Variants in WAPL observed in about 807,000 individuals in gnomAD.
The protein encoded by WAPL is wings apart-like protein homolog.
In WAPL, 5 loss-of-function variants were observed where a neutral mutation model predicts 121.0. The ratio of observed to expected loss-of-function variants is 0.04; its 90% CI spans 0.02 to 0.09. The LOEUF is 0.09. Among genes scored for constraint, WAPL ranks in the 10% least tolerant of loss-of-function variants. WAPL has a pLI of 1.00. For missense variants in WAPL, 999 were observed against 1,410.8 expected, an observed-to-expected ratio of 0.71 and a Z score of 4.68; for synonymous variants, 480 against 481.5, an observed-to-expected ratio of 1.00 and a Z score of 0.04.
At chr10:86,441,765 G>A (rs1849477276) in intron 17 of WAPL, among the ~76,000 whole-genome samples, 1 of 152,064 alleles carries the variant, frequency 6.6e-6, no homozygotes, top group Non-Finnish European at 1.5e-5. Context: ...ACTTTGAGAG[G>A]TCGAGGCAGG....
chr10:86,492,712 A>G (rs1842074328), intron 4 of WAPL, among the ~76,000 whole-genome samples: 1 of 152,144 alleles, frequency 6.6e-6, no homozygotes, highest in East Asian at 1.9e-4. Context: ...CAATCAGATA[A>G]ATTCTGAATG....
intron 4 of WAPL, among the ~76,000 whole-genome samples, chr10:86,494,250 C>A (rs576621646): frequency 1.3e-5 from 2 of 152,146 alleles, no homozygotes; most frequent in Admixed American, 6.5e-5. Context: ...ATCTCTGTGA[C>A]AAAACAAGTA....
At chr10:86,481,579 G>C (rs1164636757) in intron 4 of WAPL, among the ~76,000 whole-genome samples, 2 of 152,018 alleles carry the variant, frequency 1.3e-5, no homozygotes, top group Non-Finnish European at 2.9e-5. Context: ...ATCCATGTTG[G>C]TCAGGCTGCT....
chr10:86,452,540 C>T (rs1164518302), intron 14 of WAPL, among the ~76,000 whole-genome samples: 1 of 151,482 alleles, frequency 6.6e-6, no homozygotes, highest in Non-Finnish European at 1.5e-5. Flanking sequence ...TGCAGTGAGC[C>T]GAGACTGTGC....
intron 2 of WAPL, among the ~76,000 whole-genome samples, chr10:86,509,955 C>T (rs531562052): frequency 5.3e-5 from 8 of 150,598 alleles, no homozygotes; most frequent in Non-Finnish European, 5.9e-5. Context: ...TAGTAAAGAC[C>T]GGGTTTTACC....
rs138818750 is a variant in WAPL at position 86,478,912 on chromosome 10, T to C, written c.1645-4939A>G. Among the ~76,000 whole-genome samples the C allele has an allele frequency of 9.6e-3, 1,455 of 152,060 alleles. 29 individuals carry two copies. The highest frequency in any genetic ancestry group is 0.033 in the African/African-American group (1,352 of 41,464). ...GAGTTTGAGACCAGGCTGTCCAACA[T>C]AGTGAAACCCCATCTCTACTAAAAA... On this transcript the variant is annotated intron_variant, in intron 4 of 18. Coordinates refer to ENST00000298767, the MANE Select transcript of WAPL (RefSeq NM_015045.5).
At chr10:86,516,955 C>T (rs1328619482) in intron 2 of WAPL, among the ~76,000 whole-genome samples, 4 of 151,962 alleles carry the variant, frequency 2.6e-5, no homozygotes, top group South Asian at 2.1e-4. Flanking sequence ...TGGTGGCGGG[C>T]GCCTGTAGTC....
In WAPL at chr10:86,472,419, T is replaced by C. The variant is rs1477181686; in HGVS notation, c.1894-75A>G. The C allele has an allele frequency of 3.2e-6, 5 of 1,544,440 alleles. No individual in the cohort carries two copies. Among genetic ancestry groups the C allele is most frequent in the Non-Finnish European group, 4.4e-6 (5 of 1,149,022 alleles). ...TTAAATCTATGGGCTCACTGTACTT[T>C]ACATAAGTGCATAAAATAGTTCATT... On this transcript the variant is annotated intron_variant, in intron 6 of 18. Coordinates refer to ENST00000298767, the MANE Select transcript of WAPL (RefSeq NM_015045.5). The surrounding 1 kb of genome is among the most constrained non-coding windows in gnomAD (Gnocchi z 4.2).
rs1849293169 is a variant in WAPL at position 86,435,368 on chromosome 10, G to C, written c.*2175C>G. Reference sequence around the variant, plus strand: ...TCCTGCCGTTGGCTTTTGCTCCAAAGATCACAGCTGAGAAATACTGTATAA... The same window carrying C: ...TCCTGCCGTTGGCTTTTGCTCCAAACATCACAGCTGAGAAATACTGTATAA... On this transcript the variant is annotated 3_prime_UTR_variant, in exon 19 of 19. Transcript: ENST00000298767. 1.3e-5 allele frequency: 2 copies of C among 152,716 alleles called. No individual in the cohort carries two copies. The highest frequency in any genetic ancestry group is 1.9e-4 in the East Asian group (1 of 5,192). 9.5% of individuals were successfully genotyped at this position (152,716 alleles called of 1,614,324 possible).
intron 2 of WAPL, among the ~76,000 whole-genome samples, chr10:86,505,830 C>T (rs764114819): frequency 8.4e-4 from 127 of 151,868 alleles, no homozygotes; most frequent in Admixed American, 2.0e-3. Flanking sequence ...AGAGCATGTT[C>T]TTGTATTTTT....
chr10:86,488,153 T>C (rs1420194325), intron 4 of WAPL, among the ~76,000 whole-genome samples: 3 of 152,144 alleles, frequency 2.0e-5, no homozygotes, highest in Non-Finnish European at 4.4e-5. Context: ...AAACGTGGTA[T>C]TGGAAATATT....
intron 4 of WAPL, among the ~76,000 whole-genome samples, chr10:86,493,393 A>G (rs567861543): frequency 7.9e-5 from 12 of 152,222 alleles, no homozygotes; most frequent in Non-Finnish European, 1.3e-4. Flanking sequence ...CAGTAAATAT[A>G]TATTATAGAG....
intron 4 of WAPL, among the ~76,000 whole-genome samples, chr10:86,485,679 G>A (rs892574242): frequency 2.0e-5 from 3 of 152,200 alleles, no homozygotes; most frequent in East Asian, 1.9e-4. Flanking sequence ...GACTTATACA[G>A]ATCAATGATT....
intron 9 of WAPL, among the ~76,000 whole-genome samples, chr10:86,463,125 A>T (rs1402057664): frequency 6.6e-6 from 1 of 152,226 alleles, no homozygotes; most frequent in Non-Finnish European, 1.5e-5. Context: ...CCAAATCACT[A>T]ATCAGAAAAT....
At chr10:86,507,365 CAAAAAA>C (rs34752630) in intron 2 of WAPL, among the ~76,000 whole-genome samples, 15 of 77,686 alleles carry the variant, frequency 1.9e-4, no homozygotes, top group African/African-American at 6.5e-4. Context: ...GACTCTGTCT[CAAAAAA>C]AAAAAAAAAA....
At chr10:86,478,683 G>A (rs1011903181) in intron 4 of WAPL, among the ~76,000 whole-genome samples, 2 of 152,024 alleles carry the variant, frequency 1.3e-5, no homozygotes, top group African/African-American at 4.8e-5. Flanking sequence ...AAACTGATGG[G>A]GCATTTCTTC....
chr10:86,508,239 T>A (rs1842389375), intron 2 of WAPL, among the ~76,000 whole-genome samples: 1 of 152,174 alleles, frequency 6.6e-6, no homozygotes. Flanking sequence ...CTGCCTTTCT[T>A]TGTCCCTTTC....
chr10:86,443,192 A>G (rs1240505539), intron 17 of WAPL, 83 bp downstream of exon 17: 5 of 1,083,258 alleles, frequency 4.6e-6, no homozygotes, highest in Non-Finnish European at 6.8e-6. Context: ...GAAGAAATAA[A>G]TAAGTGAAAC....
chr10:86,476,949 T>C (rs1206154431), intron 4 of WAPL, among the ~76,000 whole-genome samples: 1 of 152,210 alleles, frequency 6.6e-6, no homozygotes, highest in African/African-American at 2.4e-5. Flanking sequence ...GGTTATGCTG[T>C]TGAACAAGGC....
Sources: gnomAD v4.1 joint callset for allele counts (sites outside exome capture counted in the v4.1 genomes callset) on GRCh38, gnomAD v4.1.1 for gene constraint, Gnocchi (gnomAD v3.1) non-coding constraint, MANE v1.5 for transcripts, NCBI Gene and HGNC (gene_info 2026-07-23, HGNC 2026-07-21) for gene names.